Variants in AGBL1 observed in about 807,000 individuals in gnomAD.
AGBL1 encodes cytosolic carboxypeptidase 4.
A neutral mutation model predicts 118.9 loss-of-function variants in AGBL1; 130 were observed. The observed-to-expected ratio is 1.09, with a 90% CI of 0.95 to 1.26. The LOEUF is 1.26. Ranked by LOEUF, AGBL1 falls within the 50% of genes most tolerant of loss-of-function variation. The pLI is 0.00. For missense variants in AGBL1, 1,584 were observed against 1,298.1 expected (o/e 1.22, Z -3.38); for synonymous variants, 555 against 478.9 (o/e 1.16, Z -2.08).
chr15:86,080,337 A>C (rs75717159), intron 1 of AGBL1: 4,505 of 227,532 alleles, frequency 0.02, 60 homozygotes, highest in South Asian at 0.044. Flanking sequence ...AATGAAGGGG[A>C]CCTGTTGAGG....
intron 22 of AGBL1, among the ~76,000 whole-genome samples, chr15:86,867,616 C>T (rs541763997): frequency 2.6e-5 from 4 of 151,944 alleles, no homozygotes; most frequent in East Asian, 3.9e-4. Context: ...ACCTGTGAGG[C>T]GGGGAGAACA....
At chr15:86,583,720 T>C (rs574940001) in intron 21 of AGBL1, among the ~76,000 whole-genome samples, 8 of 152,164 alleles carry the variant, frequency 5.3e-5, no homozygotes, top group Non-Finnish European at 1.0e-4. Context: ...ATGGAATTGC[T>C]GGGTCACACA....
chr15:86,564,311 T>C (rs188608569), intron 21 of AGBL1, among the ~76,000 whole-genome samples: 1 of 152,234 alleles, frequency 6.6e-6, no homozygotes, highest in South Asian at 2.1e-4. Context: ...CAGGAGCTCT[T>C]GTAGGGCAGG....
At chr15:86,681,807 A>G (rs968987481) in intron 22 of AGBL1, among the ~76,000 whole-genome samples, 3 of 152,132 alleles carry the variant, frequency 2.0e-5, no homozygotes, top group African/African-American at 7.2e-5. Context: ...CTGAGAGTAC[A>G]AAGTTGGGTG....
At chr15:86,406,038 C>T (rs1275702067) in intron 18 of AGBL1, among the ~76,000 whole-genome samples, 1 of 152,176 alleles carries the variant, frequency 6.6e-6, no homozygotes, top group Non-Finnish European at 1.5e-5. Flanking sequence ...TCTAGAGTGG[C>T]CTGTATCCAA....
At chr15:86,127,571 A>G (rs930776505) in intron 1 of AGBL1, among the ~76,000 whole-genome samples, 5 of 152,208 alleles carry the variant, frequency 3.3e-5, no homozygotes, top group Admixed American at 1.3e-4. Context: ...GTGGGAAATC[A>G]TACCTCTTGG....
At chr15:86,600,636 G>C (rs921234710) in intron 21 of AGBL1, among the ~76,000 whole-genome samples, 1 of 152,082 alleles carries the variant, frequency 6.6e-6, no homozygotes, top group African/African-American at 2.4e-5. Flanking sequence ...GGATTGATTA[G>C]GAGAGATCCC....
At chr15:86,116,779 G>C (rs561803633) in intron 1 of AGBL1, 9 of 152,014 alleles carry the variant, frequency 5.9e-5, no homozygotes, top group Non-Finnish European at 1.3e-4. Flanking sequence ...AATTCTATTG[G>C]GTTCTCTAGG....
Position 86,693,319 on chromosome 15 carries a change from T to C in AGBL1, c.3158+18883T>C, listed in dbSNP as rs1596375838. On this transcript the variant is annotated intron_variant, in intron 22 of 22. Transcript: ENST00000614907. ...CTTGCAGGAGTAAAGTGGTATCACATGGCAGTTTTTATTTGCATTTCCCTG... is the reference window on the plus strand; with the variant it reads ...CTTGCAGGAGTAAAGTGGTATCACACGGCAGTTTTTATTTGCATTTCCCTG... Among the ~76,000 whole-genome samples, 3 of 152,318 alleles carry C rather than the reference T, an allele frequency of 2.0e-5. No homozygotes were observed. The East Asian group carries it at 5.8e-4, about 29-fold the overall frequency.
At chr15:86,363,732 A>G (rs2080839626) in intron 17 of AGBL1, among the ~76,000 whole-genome samples, 1 of 152,052 alleles carries the variant, frequency 6.6e-6, no homozygotes, top group Non-Finnish European at 1.5e-5. Flanking sequence ...TGTCTCCCAA[A>G]TCCCTGATTC....
intron 23 of AGBL1, among the ~76,000 whole-genome samples, chr15:86,982,301 T>G (rs1355833052): frequency 6.6e-6 from 1 of 152,200 alleles, no homozygotes; most frequent in African/African-American, 2.4e-5. Flanking sequence ...ATAATTATGT[T>G]TTGAAACTCA....
chr15:86,599,452 T>G (rs960019604), intron 21 of AGBL1, among the ~76,000 whole-genome samples: 10 of 152,154 alleles, frequency 6.6e-5, no homozygotes, highest in Non-Finnish European at 1.3e-4. Flanking sequence ...TCTCTTATTT[T>G]AAATGACATT....
At chr15:86,860,713 A>AGTGTGT (rs3030214) in intron 22 of AGBL1, among the ~76,000 whole-genome samples, 5 of 148,726 alleles carry the variant, frequency 3.4e-5, no homozygotes, top group African/African-American at 5.0e-5. Flanking sequence ...TCTGTGAGTA[A>AGTGTGT]GTGTGTGTGT....
chr15:86,411,833 T>C (rs367831209), intron 18 of AGBL1, among the ~76,000 whole-genome samples: 1 of 152,190 alleles, frequency 6.6e-6, no homozygotes, highest in Non-Finnish European at 1.5e-5. Flanking sequence ...GAGTGGAGCT[T>C]AAAGAAGGGG....
At chr15:86,801,739 A>G (rs930405921) in intron 22 of AGBL1, among the ~76,000 whole-genome samples, 4 of 152,116 alleles carry the variant, frequency 2.6e-5, no homozygotes, top group Non-Finnish European at 5.9e-5. Flanking sequence ...CTACCAGTAC[A>G]TTTTACATGA....
At chr15:86,954,375 C>T (rs2080909214) in intron 23 of AGBL1, among the ~76,000 whole-genome samples, 1 of 152,148 alleles carries the variant, frequency 6.6e-6, no homozygotes, top group Admixed American at 6.5e-5. Context: ...GTGCTATTCA[C>T]AATAGCAATG....
chr15:86,485,585 G>A (rs1853509626), intron 18 of AGBL1, among the ~76,000 whole-genome samples: 1 of 152,080 alleles, frequency 6.6e-6, no homozygotes, highest in Non-Finnish European at 1.5e-5. Context: ...TATGTACACT[G>A]AATTTTAAAT....
intron 6 of AGBL1, among the ~76,000 whole-genome samples, chr15:86,244,086 A>AATAAATAT (rs879539861): frequency 5.3e-4 from 80 of 149,662 alleles, no homozygotes; most frequent in African/African-American, 5.1e-4. Flanking sequence ...TAAATAAATA[A>AATAAATAT]ATATATATAT....
intron 21 of AGBL1, among the ~76,000 whole-genome samples, chr15:86,606,197 C>T (rs185277819): frequency 1.7e-4 from 25 of 149,944 alleles, no homozygotes; most frequent in East Asian, 2.0e-4. Context: ...TTGAATTAAT[C>T]GGCTTCTATT....
Sources: gnomAD v4.1 joint callset for allele counts (sites outside exome capture counted in the v4.1 genomes callset) on GRCh38, gnomAD v4.1.1 for gene constraint, MANE v1.5 for transcripts, NCBI Gene and HGNC (gene_info 2026-07-23, HGNC 2026-07-21) for gene names.